MALRD1: variants seen among roughly 807,000 people sequenced by gnomAD.
MALRD1 encodes the protein MAM and LDL-receptor class A domain-containing protein 1.
A neutral mutation model predicts 242.1 loss-of-function variants in MALRD1; 247 were observed. The ratio of observed to expected loss-of-function variants is 1.02; its 90% CI spans 0.92 to 1.13. The LOEUF is 1.13. MALRD1 is among the 50% of genes most tolerant of loss of function. The pLI is 0.00. For synonymous variants in MALRD1, 995 were observed against 866.6 expected, an observed-to-expected ratio of 1.15 and a Z score of -2.60; for missense variants, 2,989 against 2,533.1, an observed-to-expected ratio of 1.18 and a Z score of -3.86.
At chr10:19,692,127 G>T (rs960513941) in intron 36 of MALRD1, among the ~76,000 whole-genome samples, 155 bp from the exon 37 acceptor site, 1 of 152,076 alleles carries the variant, frequency 6.6e-6, no homozygotes, top group African/African-American at 2.4e-5. Flanking sequence ...TTTTGGTTTT[G>T]CTTTGGCTTA....
At chr10:19,650,576 G>T (rs1386364782) in intron 36 of MALRD1, among the ~76,000 whole-genome samples, 1 of 152,152 alleles carries the variant, frequency 6.6e-6, no homozygotes, top group Admixed American at 6.5e-5. Flanking sequence ...AATATGTAGA[G>T]TAAGAGACAT....
At chr10:19,633,840 C>CTTT (rs1041174965) in intron 36 of MALRD1, 3 of 126,542 alleles carry the variant, frequency 2.4e-5, no homozygotes, top group Admixed American at 8.0e-5. Context: ...TCTTTTCTTT[C>CTTT]TTTTTTTTTT....
At chr10:19,462,506 GTTCTGT>G (rs1835998270) in intron 29 of MALRD1, among the ~76,000 whole-genome samples, 1 of 152,172 alleles carries the variant, frequency 6.6e-6, no homozygotes, top group Non-Finnish European at 1.5e-5. Context: ...CTTCACTCAG[GTTCTGT>G]GAGTATAAAA....
chr10:19,307,149 C>T (rs1842247371), intron 21 of MALRD1, among the ~76,000 whole-genome samples: 2 of 151,502 alleles, frequency 1.3e-5, no homozygotes, highest in African/African-American at 4.8e-5. Context: ...AGTTGGGATG[C>T]ATTGCACATT....
intron 36 of MALRD1, among the ~76,000 whole-genome samples, chr10:19,691,073 C>T (rs1445067350): frequency 1.3e-5 from 2 of 151,846 alleles, no homozygotes; most frequent in African/African-American, 4.8e-5. Flanking sequence ...AGTGTGTGCA[C>T]GTGTGAAAGA....
At chr10:19,680,312 C>A (rs545879874) in intron 36 of MALRD1, among the ~76,000 whole-genome samples, 1 of 151,918 alleles carries the variant, frequency 6.6e-6, no homozygotes, top group East Asian at 1.9e-4. Context: ...TTTTATGAAT[C>A]TGGGAGCTCC....
rs75016662 is a variant in MALRD1, at chr10:19,704,560, T to C, written c.6314+12006T>C. ...AGATATACATTTGGGGGGACACAAA[T>C]GTTCAGTTCATCACAGTAAGTATGC... On this transcript the variant is annotated intron_variant, in intron 38 of 39. Transcript: ENST00000454679. 2.6e-3 allele frequency among the ~76,000 whole-genome samples: 389 copies of C among 152,272 alleles called. 10 individuals are homozygous for C. In the East Asian group the frequency reaches 0.053, roughly 21 times the overall value.
At chr10:19,664,603 G>A (rs972070551) in intron 36 of MALRD1, among the ~76,000 whole-genome samples, 4 of 151,910 alleles carry the variant, frequency 2.6e-5, no homozygotes, top group African/African-American at 9.6e-5. Flanking sequence ...AATAAATGGA[G>A]CCCCACGTCT....
At chr10:19,546,017 G>A (rs1015639865) in intron 32 of MALRD1, among the ~76,000 whole-genome samples, 7 of 152,104 alleles carry the variant, frequency 4.6e-5, no homozygotes, top group Admixed American at 3.3e-4. Flanking sequence ...TCTCTCAAGA[G>A]AGTTAATTAT....
chr10:19,681,855 T>C, intron 36 of MALRD1, among the ~76,000 whole-genome samples: 1 of 112,310 alleles, frequency 8.9e-6, no homozygotes, highest in South Asian at 3.2e-4. Context: ...TGGGGGAATG[T>C]CACTTTTTTT....
chr10:19,207,219 A>G (rs542291832), intron 17 of MALRD1, among the ~76,000 whole-genome samples: 1 of 152,242 alleles, frequency 6.6e-6, no homozygotes, highest in Non-Finnish European at 1.5e-5. Context: ...GCTAAAATGT[A>G]GAACTACTTG....
chr10:19,098,916 A>G (rs1439871079), intron 4 of MALRD1, among the ~76,000 whole-genome samples: 1 of 152,150 alleles, frequency 6.6e-6, no homozygotes, highest in East Asian at 1.9e-4. Context: ...GGCACTAAAG[A>G]TTGGTCAGAC....
At chr10:19,560,092 G>A (rs1008194077) in intron 32 of MALRD1, among the ~76,000 whole-genome samples, 2 of 152,152 alleles carry the variant, frequency 1.3e-5, no homozygotes, top group Non-Finnish European at 2.9e-5. Context: ...ATTCTTCAAG[G>A]ATCTAGAACC....
chr10:19,508,312 A>T (rs1833235898), intron 31 of MALRD1, among the ~76,000 whole-genome samples: 1 of 152,210 alleles, frequency 6.6e-6, no homozygotes, highest in Non-Finnish European at 1.5e-5. Flanking sequence ...TCTGACACTT[A>T]TTAAATGTTT....
At position 19,396,685 on chromosome 10, in the gene MALRD1, G is replaced by C. The variant is rs1589018871; in HGVS notation, c.4845+7076G>C. Among the ~76,000 whole-genome samples the C allele has an allele frequency of 2.6e-5, 4 of 152,132 alleles. No individual in the cohort carries two copies. The South Asian group carries it at 8.3e-4, about 32-fold the overall frequency. The stretch of plus-strand genomic sequence containing the variant: ...TATTCTAATACTCAGGAGTCAGAGA[G>C]GTTATTGTCCCTCAAAGTTTTCCAG... On this transcript the variant is annotated intron_variant, in intron 28 of 39. Transcript: ENST00000454679.
chr10:19,163,149 A>G (rs1371526809), intron 12 of MALRD1, among the ~76,000 whole-genome samples: 2 of 147,170 alleles, frequency 1.4e-5, no homozygotes, highest in Admixed American at 6.7e-5. Flanking sequence ...AAAAAAAAAA[A>G]AAAAAAAAAA....
intron 38 of MALRD1, chr10:19,730,486 A>G (rs1432482842): frequency 3.4e-6 from 2 of 591,982 alleles, no homozygotes; most frequent in South Asian, 1.8e-5. Flanking sequence ...CTAAACACTC[A>G]GAGTTCAAAT....
chr10:19,701,819 C>T (rs986197689), intron 38 of MALRD1, among the ~76,000 whole-genome samples: 5 of 148,916 alleles, frequency 3.4e-5, no homozygotes, highest in African/African-American at 1.2e-4. Context: ...TTCTCTTCTC[C>T]ATCCCTCACC....
intron 11 of MALRD1, among the ~76,000 whole-genome samples, chr10:19,152,581 A>C (rs1192315203): frequency 6.6e-6 from 1 of 152,030 alleles, no homozygotes; most frequent in African/African-American, 2.4e-5. Context: ...TAAAAAAATT[A>C]ATTTTGCTAT....
Sources: allele counts gnomAD v4.1 joint callset (sites outside exome capture counted in the v4.1 genomes callset), GRCh38; gene constraint gnomAD v4.1.1; transcripts MANE v1.5; gene names NCBI Gene and HGNC (gene_info 2026-07-23, HGNC 2026-07-21).